The following COL26A1 variants were observed in gnomAD, a reference collection of about 807,000 sequenced individuals.
The protein encoded by COL26A1 is collagen alpha-1(XXVI) chain.
Under a neutral mutation model 59.3 loss-of-function variants are expected in COL26A1, and 41 were observed. The ratio of observed to expected loss-of-function variants is 0.69; its 90% CI spans 0.54 to 0.90. The LOEUF is 0.90. Ranked by LOEUF, COL26A1 falls within the 40% of genes least tolerant of loss-of-function variation. The pLI is 0.00. For missense variants in COL26A1, 612 were observed against 602.3 expected (o/e 1.02, Z -0.17); for synonymous variants, 266 against 256.0 (o/e 1.04, Z -0.37).
At chr7:101,543,113 A>G (rs1795652926) in intron 5 of COL26A1, among the ~76,000 whole-genome samples, 1 of 151,812 alleles carries the variant, frequency 6.6e-6, no homozygotes, top group African/African-American at 2.4e-5. Flanking sequence ...CCACAGTCCC[A>G]TGCAGGCAGA....
At chr7:101,525,364 A>G (rs1438398871) in intron 3 of COL26A1, among the ~76,000 whole-genome samples, 3 of 149,208 alleles carry the variant, frequency 2.0e-5, no homozygotes, top group Admixed American at 1.3e-4. Context: ...TGTATTTTTA[A>G]TAGAAACGGG....
intron 3 of COL26A1, among the ~76,000 whole-genome samples, chr7:101,486,372 A>G (rs1284321614): frequency 3.3e-5 from 5 of 152,098 alleles, no homozygotes; most frequent in Non-Finnish European, 5.9e-5. Context: ...CCCCATAGGG[A>G]GCTCTGAAGC....
intron 3 of COL26A1, among the ~76,000 whole-genome samples, chr7:101,489,912 T>A (rs1307205307): frequency 9.8e-6 from 1 of 101,526 alleles, no homozygotes; most frequent in Non-Finnish European, 1.9e-5. Flanking sequence ...CTTTCTTTCT[T>A]TCTTTCTTGT....
intron 3 of COL26A1, among the ~76,000 whole-genome samples, chr7:101,492,491 G>A (rs1794482723): frequency 6.6e-6 from 1 of 151,898 alleles, no homozygotes; most frequent in Non-Finnish European, 1.5e-5. Flanking sequence ...GAGGTCAGGA[G>A]TTCAAGATCA....
intron 3 of COL26A1, among the ~76,000 whole-genome samples, chr7:101,481,912 C>T (rs193065412): frequency 2.0e-5 from 3 of 152,146 alleles, no homozygotes; most frequent in East Asian, 1.9e-4. Flanking sequence ...AAAGAATTAT[C>T]GGGACTAGGT....
Position 101,392,061 on chromosome 7 carries a change from C to T in COL26A1, c.159-27916C>T, listed in dbSNP as rs541722292. Among the ~76,000 whole-genome samples, 18 of 152,078 alleles carry T rather than the reference C, an allele frequency of 1.2e-4. 2 individuals are homozygous for T. Among genetic ancestry groups the T allele is most frequent in the Admixed American group, 8.5e-4 (13 of 15,250 alleles). ...GTCCAGCAGGGCAGTGTGTGTTCTT[C>T]GAGGCAGGGAAGTGTATGGGCCTGA... On this transcript the variant is annotated intron_variant, in intron 1 of 12. Transcript: ENST00000313669.
intron 1 of COL26A1, among the ~76,000 whole-genome samples, chr7:101,371,826 C>T (rs1186335699): frequency 6.6e-6 from 1 of 151,982 alleles, no homozygotes; most frequent in African/African-American, 2.4e-5. Flanking sequence ...CAGCCTCCGT[C>T]CTTGATGAGC....
intron 10 of COL26A1, 74 bp downstream of exon 10, chr7:101,551,217 T>TG: frequency 1.6e-5 from 2 of 127,132 alleles, no homozygotes; most frequent in Admixed American, 1.9e-4. Flanking sequence ...GGGCACTGGG[T>TG]GGCGGGGGTT....
At chr7:101,504,638 T>C (rs529094472) in intron 3 of COL26A1, among the ~76,000 whole-genome samples, 46 of 152,224 alleles carry the variant, frequency 3.0e-4, no homozygotes, top group Non-Finnish European at 6.2e-4. Flanking sequence ...CGCCATCTCA[T>C]TGGTCCTTCT....
At chr7:101,417,672 C>CTATAGATA (rs1337772334) in intron 1 of COL26A1, among the ~76,000 whole-genome samples, 64 of 34,054 alleles carry the variant, frequency 1.9e-3, no homozygotes, top group African/African-American at 2.9e-3. Flanking sequence ...AGAGATATAT[C>CTATAGATA]TCTATATCTA....
At chr7:101,458,716 G>T (rs1287496043) in intron 3 of COL26A1, among the ~76,000 whole-genome samples, 1 of 151,792 alleles carries the variant, frequency 6.6e-6, no homozygotes, top group Non-Finnish European at 1.5e-5. Flanking sequence ...TTTCCATTTT[G>T]TAGATGCAGA....
At chr7:101,420,187 G>GCTGTGCT in intron 2 of COL26A1, 88 bp downstream of exon 2, 1 of 1,523,886 alleles carries the variant, frequency 6.6e-7, no homozygotes, top group Non-Finnish European at 9.0e-7. Context: ...GAGAGGCTGG[G>GCTGTGCT]CTGTGCTCAC....
intron 3 of COL26A1, among the ~76,000 whole-genome samples, chr7:101,462,477 TGG>T (rs1263037151): frequency 6.6e-5 from 10 of 151,854 alleles, no homozygotes; most frequent in African/African-American, 2.2e-4. Flanking sequence ...CCACCACACC[TGG>T]CTAATTTTTG....
At chr7:101,483,013 C>G (rs1794188957) in intron 3 of COL26A1, among the ~76,000 whole-genome samples, 1 of 152,110 alleles carries the variant, frequency 6.6e-6, no homozygotes. Flanking sequence ...CATCTGGCAG[C>G]TGTGGGATGC....
intron 2 of COL26A1, among the ~76,000 whole-genome samples, chr7:101,443,582 T>G (rs1793112647): frequency 6.6e-6 from 1 of 152,152 alleles, no homozygotes; most frequent in Non-Finnish European, 1.5e-5. Context: ...TAGTTTTGTC[T>G]TCAGGGGGAC....
intron 10 of COL26A1, chr7:101,553,072 A>T (rs1232656309): frequency 2.8e-6 from 1 of 355,662 alleles, no homozygotes; most frequent in Non-Finnish European, 5.1e-6. Context: ...TCTGCCCCAG[A>T]AGCAGAATGA....
At chr7:101,437,883 T>G (rs1469283815) in intron 2 of COL26A1, among the ~76,000 whole-genome samples, 1 of 151,958 alleles carries the variant, frequency 6.6e-6, no homozygotes, top group Admixed American at 6.6e-5. Flanking sequence ...GGCTAATTTT[T>G]AAATTTTTGG....
chr7:101,533,023 G>T, intron 3 of COL26A1, 59 bp from the exon 4 acceptor site: 1 of 1,320,802 alleles, frequency 7.6e-7, no homozygotes. Flanking sequence ...CTGGTGACTG[G>T]GCTGCTGTCT....
At chr7:101,485,235 G>A (rs929424650) in intron 3 of COL26A1, among the ~76,000 whole-genome samples, 16 of 152,176 alleles carry the variant, frequency 1.1e-4, no homozygotes, top group African/African-American at 3.6e-4. Flanking sequence ...GAAGGCCAGA[G>A]GTCAGCTCTG....
Sources: allele counts gnomAD v4.1 joint callset (sites outside exome capture counted in the v4.1 genomes callset), GRCh38; gene constraint gnomAD v4.1.1; transcripts MANE v1.5; gene names NCBI Gene and HGNC (gene_info 2026-07-23, HGNC 2026-07-21).